KIF1A: variants seen among roughly 807,000 people sequenced by gnomAD.
The protein encoded by KIF1A is kinesin family member 1A.
In KIF1A, 46 loss-of-function variants were observed where a neutral mutation model predicts 227.3. The ratio of observed to expected loss-of-function variants is 0.20; its 90% confidence interval spans 0.16 to 0.26. The LOEUF is 0.26. KIF1A is among the 10% of genes least tolerant of loss of function. The probability of loss-of-function intolerance (pLI) is 1.00; values close to 1 mark genes in which losing one functional copy is unlikely to be tolerated. For synonymous variants in KIF1A, 1,022 were observed against 1,012.8 expected (o/e 1.01, Z -0.17); for missense variants, 1,683 against 2,485.9 (o/e 0.68, Z 6.87).
chr2:240,750,594 G>A (rs2049097735), intron 27 of KIF1A, 47 bp from the exon 28 acceptor site: 3 of 1,373,586 alleles, frequency 2.2e-6, no homozygotes, highest in South Asian at 2.4e-5. Context: ...CTCCACGCAT[G>A]TTCTGAACGG....
chr2:240,720,839 G>A (rs1038374867), intron 45 of KIF1A, 75 bp downstream of exon 45: 2 of 1,468,110 alleles, frequency 1.4e-6, no homozygotes, highest in Non-Finnish European at 1.8e-6. Context: ...TGTGCTCTCT[G>A]TGCCCGAGTC....
At chr2:240,784,308 C>T (rs181854646) in intron 7 of KIF1A, among the ~76,000 whole-genome samples, 2,565 of 152,142 alleles carry the variant, frequency 0.017, 21 homozygotes, top group Non-Finnish European at 0.025. Context: ...GGCCCTGCAC[C>T]GGGAGGCCTG....
chr2:240,800,405 G>A lies in KIF1A; in HGVS notation c.-60-2593C>T, dbSNP rs989588896. On this transcript the variant is annotated intron_variant, in intron 1 of 48. Coordinates refer to ENST00000498729, the MANE Select transcript of KIF1A (RefSeq NM_001244008.2). ...TACTCAAGAGGCCCGATACCACGCC[G>A]CACTGTGTGTGAAGGAATCAGTGTG... Among the ~76,000 whole-genome samples, 11 of 152,226 alleles carry A rather than the reference G, an allele frequency of 7.2e-5. No homozygotes were observed. The East Asian group carries it at 1.9e-3, about 27-fold the overall frequency.
chr2:240,777,642 G>C (rs966741440), intron 10 of KIF1A, among the ~76,000 whole-genome samples: 8 of 152,150 alleles, frequency 5.3e-5, no homozygotes, highest in Admixed American at 5.2e-4. Flanking sequence ...CGTCACCAGC[G>C]CACATGGCCT....
At chr2:240,777,261 G>C (rs919954258) in intron 10 of KIF1A, among the ~76,000 whole-genome samples, 1 of 152,150 alleles carries the variant, frequency 6.6e-6, no homozygotes, top group Non-Finnish European at 1.5e-5. Context: ...GGCCAGGATG[G>C]TCTCGATCTC....
At chr2:240,782,677 G>A in intron 9 of KIF1A, 70 bp from the exon 10 acceptor site, 1 of 1,501,118 alleles carries the variant, frequency 6.7e-7, no homozygotes, top group Non-Finnish European at 9.1e-7. Flanking sequence ...GGGCGGAAGA[G>A]CAGGCGGCCC....
intron 1 of KIF1A, among the ~76,000 whole-genome samples, chr2:240,809,897 A>G (rs2057729973): frequency 6.6e-6 from 1 of 151,268 alleles, no homozygotes; most frequent in South Asian, 2.1e-4. Flanking sequence ...AAAAAAAAAA[A>G]AAAGAGTTTC....
At chr2:240,718,625 C>T (rs1305958875) in intron 47 of KIF1A, among the ~76,000 whole-genome samples, 1 of 152,242 alleles carries the variant, frequency 6.6e-6, no homozygotes, top group Non-Finnish European at 1.5e-5. Context: ...AGGGGCTGGG[C>T]AGAGTGGGGG....
intron 14 of KIF1A, 125 bp downstream of exon 14, chr2:240,772,445 C>A: frequency 1.3e-6 from 1 of 780,092 alleles, no homozygotes; most frequent in Non-Finnish European, 2.1e-6. Flanking sequence ...TTCTGCCCCC[C>A]AAAAAGGAGA....
At chr2:240,759,078 A>G (rs1014177526) in intron 25 of KIF1A, among the ~76,000 whole-genome samples, 1 of 152,138 alleles carries the variant, frequency 6.6e-6, no homozygotes, top group African/African-American at 2.4e-5. Flanking sequence ...ACAGGGCAGA[A>G]GAGTGAGGAG....
chr2:240,805,215 C>T (rs1307732602), intron 1 of KIF1A, among the ~76,000 whole-genome samples: 1 of 151,394 alleles, frequency 6.6e-6, no homozygotes, highest in Non-Finnish European at 1.5e-5. Context: ...GGATTAGATC[C>T]TCAGCGACTT....
intron 5 of KIF1A, among the ~76,000 whole-genome samples, chr2:240,786,834 G>GCCACCACCAGGACC (rs1553638780): frequency 6.7e-6 from 1 of 148,544 alleles, no homozygotes; most frequent in Non-Finnish European, 1.5e-5. Flanking sequence ...GAGGGTGGGG[G>GCCACCACCAGGACC]CTGCCTGCTG....
At chr2:240,806,338 G>C (rs78300277) in intron 1 of KIF1A, among the ~76,000 whole-genome samples, 8,400 of 152,280 alleles carry the variant, frequency 0.055, 298 homozygotes, top group East Asian at 0.14. Context: ...TCCATTCCTG[G>C]ATAATCCAGA....
At chr2:240,745,637 C>A (rs1163955909) in intron 31 of KIF1A, 101 bp downstream of exon 31, 6 of 1,508,452 alleles carry the variant, frequency 4.0e-6, no homozygotes, top group Middle Eastern at 3.7e-4. Flanking sequence ...TGGGCCAACA[C>A]AGCACCAACA....
intron 1 of KIF1A, among the ~76,000 whole-genome samples, chr2:240,808,885 C>T (rs2057647909): frequency 6.6e-6 from 1 of 152,074 alleles, no homozygotes; most frequent in African/African-American, 2.4e-5. Flanking sequence ...CGCCCACCAC[C>T]ACGCCCGGCT....
In KIF1A at chr2:240,760,696, C is replaced by A; in HGVS notation, c.2413G>T (p.Ala805Ser). The A allele has an allele frequency of 6.4e-7, 1 of 1,572,634 alleles. No homozygotes were observed. The highest frequency in any genetic ancestry group is 8.6e-7 in the Non-Finnish European group (1 of 1,157,688). The change falls in exon 25 of 49, where the codon GCC (alanine) becomes TCC (serine). Residue 805 changes from alanine (A) to serine (S), a missense_variant. Ala to Ser is a moderately conservative substitution (Grantham distance 99, BLOSUM62 1). This residue lies in a region of KIF1A where 759 missense variants were observed against 1,020.2 expected (regional missense o/e 0.74). Coordinates refer to ENST00000498729, the MANE Select transcript of KIF1A (RefSeq NM_001244008.2). ...TTCTCCAGCGTCCAGTAGTGGGTGG[C>A]CCCGTTCTTCTGGTCCTGGACCTCC... ...AVEVQDQKNG[A>S]THYWTLEKLR... is the part of the protein sequence containing the mutation.
At chr2:240,761,419 G>A (rs1324435568) in intron 23 of KIF1A, 42 bp from the exon 24 acceptor site, 10 of 1,519,592 alleles carry the variant, frequency 6.6e-6, no homozygotes, top group Non-Finnish European at 8.9e-6. Context: ...GGAAGGCCAT[G>A]ACCCTGCCCA....
At chr2:240,807,130 G>GTGTGTGTATATATA (rs1356399506) in intron 1 of KIF1A, among the ~76,000 whole-genome samples, 1 of 119,450 alleles carries the variant, frequency 8.4e-6, no homozygotes, top group African/African-American at 3.0e-5. Context: ...GTGTGTGTGT[G>GTGTGTGTATATATA]TATATATATA....
rs1158108515 is a variant in KIF1A at position 240,775,830 on chromosome 2, G to A, written c.958+21C>T. The A allele has an allele frequency of 5.8e-6, 9 of 1,560,018 alleles. No individual in the cohort carries two copies. In the South Asian group the frequency reaches 1.0e-4, roughly 17 times the overall value. On this transcript the variant is annotated intron_variant, in intron 11 of 48. Coordinates refer to ENST00000498729, the MANE Select transcript of KIF1A (RefSeq NM_001244008.2). The surrounding 1 kb of genome is among the most constrained non-coding windows in gnomAD (Gnocchi z 5.5). ...GGGTGGGATCAGAGCCCTGGGGACA[G>A]GCAAACCCACAAGTTCTCACCCAGG...
Sources: allele counts gnomAD v4.1 joint callset (sites outside exome capture counted in the v4.1 genomes callset), GRCh38; gene constraint gnomAD v4.1.1; regional missense constraint gnomAD v4.1.1; non-coding constraint Gnocchi (gnomAD v3.1); transcripts MANE v1.5; gene names NCBI Gene and HGNC (gene_info 2026-07-23, HGNC 2026-07-21).